The following FKBP1B variants were observed in gnomAD, a reference collection of about 807,000 sequenced individuals.
FKBP1B encodes FKBP prolyl isomerase 1B.
A neutral mutation model predicts 13.5 loss-of-function variants in FKBP1B; 4 were observed. The ratio of observed to expected loss-of-function variants is 0.30; its 90% CI spans 0.15 to 0.68. The LOEUF (loss-of-function observed/expected upper bound fraction) is 0.68, where lower values mean the gene tolerates loss of function less well. Ranked by LOEUF, FKBP1B falls within the 30% of genes least tolerant of loss-of-function variation. FKBP1B has a pLI of 0.76. For synonymous variants in FKBP1B, 54 were observed against 53.6 expected, an observed-to-expected ratio of 1.01 and a Z score of -0.03; for missense variants, 93 against 136.2, an observed-to-expected ratio of 0.68 and a Z score of 1.58.
chr2:24,056,329 C>G (rs924031697), intron 2 of FKBP1B, among the ~76,000 whole-genome samples: 2 of 151,240 alleles, frequency 1.3e-5, no homozygotes, highest in Non-Finnish European at 2.9e-5. Context: ...CGTTCAGTAC[C>G]ATTTCATTGT....
intron 2 of FKBP1B, among the ~76,000 whole-genome samples, chr2:24,059,170 CT>C (rs1421632100): frequency 6.6e-6 from 1 of 150,984 alleles, no homozygotes; most frequent in African/African-American, 2.5e-5. Flanking sequence ...CCCAAATGGC[CT>C]TTTGTGGTGG....
At chr2:24,038,024 G>A in the FKBP1B span, 9 of 1,614,132 alleles carry the variant, frequency 5.6e-6, no homozygotes, top group Non-Finnish European at 6.8e-6. Flanking sequence ...GTTCTTCCAG[G>A]CCTTCCATTC....
chr2:24,061,015 A>G (rs936276223), intron 3 of FKBP1B, 89 bp downstream of exon 3: 1 of 924,488 alleles, frequency 1.1e-6, no homozygotes, highest in Non-Finnish European at 1.7e-6. Context: ...TCACCCACTC[A>G]CAGACCACTA....
rs1286868733 is a variant in FKBP1B at position 24,051,615 on chromosome 2, C to T, written c.37+1729C>T. 2.6e-5 allele frequency among the ~76,000 whole-genome samples: 4 copies of T among 152,198 alleles called. No individual in the cohort carries two copies. The East Asian group carries it at 7.7e-4, about 29-fold the overall frequency. Reference sequence around the variant, plus strand: ...CCTAAGGTGACACAGTTGAAACAGACAGGGTTCCCGCTATTGCTGGACTGA... The same window carrying T: ...CCTAAGGTGACACAGTTGAAACAGATAGGGTTCCCGCTATTGCTGGACTGA... On this transcript the variant is annotated intron_variant, in intron 1 of 3. Transcript: ENST00000380986.
chr2:24,045,851 C>T (rs55788848), upstream of FKBP1B: 23,882 of 151,996 alleles, frequency 0.16, 2,099 homozygotes, highest in South Asian at 0.2. Flanking sequence ...ACTTTGGCAG[C>T]ACATATACTA....
rs115528581 is a variant in FKBP1B, at chr2:24,063,123, G to C, written c.258G>C (p.Thr86=). ...CCCCTGATGTGGCATATGGAGCCACGGGCCACCCCGGTGTCATCCCTCCCA... is the reference window on the plus strand; with the variant it reads ...CCCCTGATGTGGCATATGGAGCCACCGGCCACCCCGGTGTCATCCCTCCCA... ...TCTPDVAYGA[T]GHPGVIPPNA... The change falls in exon 4 of 4, where the codon ACG becomes ACC. Residue 86 remains threonine, a synonymous_variant. Coordinates refer to ENST00000380986, the MANE Select transcript of FKBP1B (RefSeq NM_004116.5). 4.6e-5 allele frequency: 74 copies of C among 1,613,722 alleles called. 2 individuals carry two copies. The South Asian group carries it at 6.8e-4, about 15-fold the overall frequency.
rs1015289631 is a variant in FKBP1B, at chr2:24,049,894, G to T, written c.37+8G>T. 1 of 1,408,552 alleles carries T rather than the reference G, an allele frequency of 7.1e-7. No individual in the cohort carries two copies. Among genetic ancestry groups the T allele is most frequent in the Non-Finnish European group, 9.3e-7 (1 of 1,080,146 alleles). 87.3% of individuals were successfully genotyped at this position (1,408,552 alleles called of 1,614,324 possible). Reference sequence around the variant, plus strand: ...CCATCTCCCCCGGAGACGGTACCGGGCTCCCTCCGGAGCCAGGGGAGGGGA... The same window carrying T: ...CCATCTCCCCCGGAGACGGTACCGGTCTCCCTCCGGAGCCAGGGGAGGGGA... On this transcript the variant is annotated splice_region_variant and intron_variant, in intron 1 of 3. Transcript: ENST00000380986.
the FKBP1B span, among the ~76,000 whole-genome samples, chr2:24,042,836 C>G: frequency 6.6e-6 from 1 of 151,670 alleles, no homozygotes; most frequent in East Asian, 1.9e-4. Context: ...GAGTTCGAGA[C>G]CAGCCTGACC....
At position 24,063,240 on chromosome 2, in the gene FKBP1B, C is replaced by A; in HGVS notation, c.*48C>A. 1 of 1,515,944 alleles carries A rather than the reference C, an allele frequency of 6.6e-7. No individual in the cohort carries two copies. The highest frequency in any genetic ancestry group is 8.8e-7 in the Non-Finnish European group (1 of 1,132,712). 93.9% of individuals were successfully genotyped at this position (1,515,944 alleles called of 1,614,324 possible). A position where few individuals can be genotyped will look rare whatever the true frequency, so the allele number is the denominator to read the frequency against. On this transcript the variant is annotated 3_prime_UTR_variant, in exon 4 of 4. Transcript: ENST00000380986. ...GCTGGAGATGGCTGCTGCTCACCCT[C>A]CTAGCCTGCTCTGCCACTGGGACGG...
upstream of FKBP1B, among the ~76,000 whole-genome samples, chr2:24,047,637 C>T (rs1207425346): frequency 1.3e-5 from 2 of 152,222 alleles, no homozygotes; most frequent in Admixed American, 6.5e-5. Context: ...CACATTTTCC[C>T]TCCCTTAAGC....
At chr2:24,036,171 A>T in the FKBP1B span, among the ~76,000 whole-genome samples, 1 of 151,846 alleles carries the variant, frequency 6.6e-6, no homozygotes, top group Non-Finnish European at 1.5e-5. Flanking sequence ...TACTACTGAA[A>T]ACTCCATGTA....
chr2:24,053,832 G>T lies in FKBP1B; in HGVS notation c.38-70G>T, dbSNP rs1005498180. The T allele has an allele frequency of 3.4e-6, 5 of 1,453,528 alleles. No individual in the cohort carries two copies. In the African/African-American group the frequency reaches 4.2e-5, roughly 12 times the overall value. The allele number at this position is 1,453,528 out of a possible 1,614,324, so 90.0% of individuals were successfully genotyped here. On this transcript the variant is annotated intron_variant, in intron 1 of 3. Transcript: ENST00000380986. Reference sequence around the variant, plus strand: ...AATGCAGGCTGGAGCTCTTGGTCAGGATCATACTTAATGTCCCAGGTGTTT... The same window carrying T: ...AATGCAGGCTGGAGCTCTTGGTCAGTATCATACTTAATGTCCCAGGTGTTT...
chr2:24,062,142 A>G (rs974280140), intron 3 of FKBP1B, among the ~76,000 whole-genome samples: 2 of 151,784 alleles, frequency 1.3e-5, no homozygotes, highest in African/African-American at 4.8e-5. Flanking sequence ...AAGTGGTGCG[A>G]GCCACCGTGC....
the FKBP1B span, among the ~76,000 whole-genome samples, chr2:24,033,476 TCA>T: frequency 1.3e-5 from 2 of 152,216 alleles, no homozygotes; most frequent in African/African-American, 4.8e-5. Context: ...GCACAGTGGC[TCA>T]CCCCTTAGTA....
At chr2:24,057,851 T>A (rs1291266278) in intron 2 of FKBP1B, among the ~76,000 whole-genome samples, 1 of 152,102 alleles carries the variant, frequency 6.6e-6, no homozygotes, top group East Asian at 1.9e-4. Context: ...GAAGTCTGAC[T>A]TATCAATCTT....
At chr2:24,060,708 G>T in intron 2 of FKBP1B, 106 bp from the exon 3 acceptor site, 1 of 756,552 alleles carries the variant, frequency 1.3e-6, no homozygotes. Flanking sequence ...GATCGGAAGA[G>T]GAGCAGGTGT....
At chr2:24,041,915 T>C in the FKBP1B span, among the ~76,000 whole-genome samples, 2 of 151,222 alleles carry the variant, frequency 1.3e-5, no homozygotes, top group African/African-American at 4.9e-5. Flanking sequence ...ATAAGGACAT[T>C]ATTTGGATAA....
chr2:24,037,607 C>A, the FKBP1B span: 3 of 1,433,168 alleles, frequency 2.1e-6, no homozygotes, highest in African/African-American at 1.4e-5. Context: ...CTCATCAATA[C>A]GTTTCTTGCA....
intron 3 of FKBP1B, among the ~76,000 whole-genome samples, chr2:24,062,178 A>G (rs1664425201): frequency 6.7e-6 from 1 of 149,904 alleles, no homozygotes; most frequent in Non-Finnish European, 1.5e-5. Flanking sequence ...TTTTTTATTT[A>G]TTTATTTATT....
Sources: allele counts gnomAD v4.1 joint callset (sites outside exome capture counted in the v4.1 genomes callset), GRCh38; gene constraint gnomAD v4.1.1; transcripts MANE v1.5; gene names NCBI Gene and HGNC (gene_info 2026-07-23, HGNC 2026-07-21).